Variants in COBL observed in about 807,000 individuals in gnomAD.
COBL encodes protein cordon-bleu.
Under a neutral mutation model 98.8 loss-of-function variants are expected in COBL, and 51 were observed. The observed-to-expected ratio is 0.52, with a 90% confidence interval of 0.41 to 0.65. The LOEUF is 0.65. Among genes scored for constraint, COBL ranks in the 30% least tolerant of loss-of-function variants. COBL has a pLI of 0.00. For synonymous variants in COBL, 634 were observed against 651.7 expected (o/e 0.97, Z 0.41); for missense variants, 1,617 against 1,617.5 (o/e 1.00, Z 0.01).
intron 4 of COBL, among the ~76,000 whole-genome samples, chr7:51,189,304 C>T (rs1789860699): frequency 6.6e-6 from 1 of 152,042 alleles, no homozygotes; most frequent in African/African-American, 2.4e-5. Flanking sequence ...ACAGAGATTC[C>T]ACTATGATCA....
At chr7:51,108,254 C>A (rs1027976447) in intron 6 of COBL, among the ~76,000 whole-genome samples, 1 of 152,192 alleles carries the variant, frequency 6.6e-6, no homozygotes, top group Non-Finnish European at 1.5e-5. Flanking sequence ...GCTGGCTCTG[C>A]CTGTTTTGGG....
At chr7:51,078,439 C>A (rs911579017) in intron 7 of COBL, among the ~76,000 whole-genome samples, 3 of 152,164 alleles carry the variant, frequency 2.0e-5, no homozygotes, top group Non-Finnish European at 2.9e-5. Flanking sequence ...TCCTTGATGA[C>A]AACTTGGGCT....
intron 11 of COBL, among the ~76,000 whole-genome samples, 160 bp downstream of exon 11, chr7:51,026,385 AC>A (rs1406485313): frequency 6.6e-6 from 1 of 152,164 alleles, no homozygotes; most frequent in African/African-American, 2.4e-5. Flanking sequence ...CAGGGTGTCC[AC>A]CCCAGTGTCT....
Position 51,260,683 on chromosome 7 carries a change from T to C in COBL, c.42-40739A>G, listed in dbSNP as rs116503714. On this transcript the variant is annotated intron_variant, in intron 1 of 12. Transcript: ENST00000265136. The stretch of plus-strand genomic sequence containing the variant: ...CATGTCTAGCATAAGGAAGGGTCGC[T>C]ACAGGAGAAGATGGGAAAGGTTGTG... Among the ~76,000 whole-genome samples, 464 of 152,300 alleles carry C rather than the reference T, an allele frequency of 3.0e-3. 2 individuals carry two copies. Among genetic ancestry groups the C allele is most frequent in the African/African-American group, 0.01 (433 of 41,576 alleles).
chr7:51,060,758 AG>A (rs1203530911), intron 7 of COBL, among the ~76,000 whole-genome samples: 1 of 152,124 alleles, frequency 6.6e-6, no homozygotes, highest in Admixed American at 6.5e-5. Context: ...TTATTCCACC[AG>A]GGGGCACAAC....
intron 1 of COBL, among the ~76,000 whole-genome samples, chr7:51,225,310 T>C (rs1249040044): frequency 6.6e-6 from 1 of 152,204 alleles, no homozygotes; most frequent in Non-Finnish European, 1.5e-5. Flanking sequence ...TGTCATGTGG[T>C]TGAGTCTGAG....
At chr7:51,276,808 G>A (rs371407973) in intron 1 of COBL, among the ~76,000 whole-genome samples, 15 of 152,350 alleles carry the variant, frequency 9.8e-5, no homozygotes, top group East Asian at 9.7e-4. Flanking sequence ...AAAGCTGGAC[G>A]CTGGTGTTGG....
At chr7:51,046,119 G>A (rs1041276696) in intron 7 of COBL, among the ~76,000 whole-genome samples, 2 of 152,190 alleles carry the variant, frequency 1.3e-5, no homozygotes, top group African/African-American at 2.4e-5. Context: ...GAGTGGCACA[G>A]GAATTGAAAA....
chr7:51,173,161 T>C (rs1173670183), intron 5 of COBL, among the ~76,000 whole-genome samples: 1 of 151,962 alleles, frequency 6.6e-6, no homozygotes, highest in African/African-American at 2.4e-5. Flanking sequence ...TAATTAGGTT[T>C]TGAGGACTTC....
intron 1 of COBL, chr7:51,259,648 C>T (rs1420011444): frequency 2.7e-6 from 2 of 731,368 alleles, no homozygotes; most frequent in Non-Finnish European, 5.0e-6. Flanking sequence ...CCCTGGTGCT[C>T]CTCATCACTG....
intron 1 of COBL, among the ~76,000 whole-genome samples, chr7:51,243,931 CTG>C (rs1796058085): frequency 6.6e-6 from 1 of 152,170 alleles, no homozygotes; most frequent in Non-Finnish European, 1.5e-5. Flanking sequence ...CACGGGGAAA[CTG>C]GGGAGGGTAC....
intron 6 of COBL, among the ~76,000 whole-genome samples, chr7:51,119,385 G>C (rs920215851): frequency 4.6e-5 from 7 of 152,176 alleles, no homozygotes; most frequent in Non-Finnish European, 1.0e-4. Flanking sequence ...TAAGAACCAA[G>C]GGAACCAAAT....
chr7:51,100,487 T>C (rs1321747967), intron 6 of COBL, among the ~76,000 whole-genome samples: 4 of 152,186 alleles, frequency 2.6e-5, no homozygotes, highest in Admixed American at 1.3e-4. Flanking sequence ...TGAATCCACA[T>C]TGGTTAGCTG....
chr7:51,145,377 T>G (rs925160303), intron 5 of COBL, among the ~76,000 whole-genome samples: 12 of 115,354 alleles, frequency 1.0e-4, no homozygotes, highest in African/African-American at 5.1e-4. Flanking sequence ...ATTCCTTTTC[T>G]TTTTTTTTTC....
intron 8 of COBL, chr7:51,032,385 A>G (rs1335905210): frequency 3.3e-5 from 5 of 152,234 alleles, no homozygotes; most frequent in Non-Finnish European, 7.3e-5. Flanking sequence ...TGCAGAAAAC[A>G]CAGAGACATG....
chr7:51,158,724 G>A (rs1786461224), intron 5 of COBL, among the ~76,000 whole-genome samples: 2 of 152,178 alleles, frequency 1.3e-5, no homozygotes, highest in South Asian at 2.1e-4. Context: ...CAAAAGTCGG[G>A]GAGGAAACAC....
intron 7 of COBL, among the ~76,000 whole-genome samples, chr7:51,063,649 AT>A (rs1791610657): frequency 6.6e-6 from 1 of 152,206 alleles, no homozygotes; most frequent in South Asian, 2.1e-4. Context: ...TGGTGCCTAC[AT>A]GTGCCTGCAA....
At chr7:51,128,461 TAA>T (rs1376738566) in intron 6 of COBL, among the ~76,000 whole-genome samples, 1 of 139,342 alleles carries the variant, frequency 7.2e-6, no homozygotes, top group Admixed American at 7.9e-5. Flanking sequence ...GCCAGATAGC[TAA>T]GAGAAAAAAA....
At chr7:51,306,882 G>A (rs752265755) in intron 1 of COBL, among the ~76,000 whole-genome samples, 4 of 152,166 alleles carry the variant, frequency 2.6e-5, no homozygotes, top group African/African-American at 9.7e-5. Context: ...TTCAGAAATA[G>A]AGCAGAGCAA....
Sources: allele counts gnomAD v4.1 joint callset (sites outside exome capture counted in the v4.1 genomes callset), GRCh38; gene constraint gnomAD v4.1.1; transcripts MANE v1.5; gene names NCBI Gene and HGNC (gene_info 2026-07-23, HGNC 2026-07-21).